Variants in URB1 observed in about 807,000 individuals in gnomAD.
The protein encoded by URB1 is nucleolar pre-ribosomal-associated protein 1.
URB1 carries 197 observed loss-of-function variants against 242.3 expected under a neutral mutation model. The ratio of observed to expected loss-of-function variants is 0.81; its 90% confidence interval spans 0.72 to 0.91. The LOEUF (loss-of-function observed/expected upper bound fraction) is 0.91. URB1 is among the 40% of genes least tolerant of loss of function. The probability of loss-of-function intolerance (pLI) is 0.00; values close to 1 mark genes in which losing one functional copy is unlikely to be tolerated. For missense variants in URB1, 2,721 were observed against 2,860.5 expected (o/e 0.95, Z 1.11); for synonymous variants, 1,153 against 1,201.8 (o/e 0.96, Z 0.84).
chr21:32,323,837 C>T (rs905846956), intron 32 of URB1, among the ~76,000 whole-genome samples: 13 of 152,044 alleles, frequency 8.6e-5, no homozygotes, highest in Non-Finnish European at 1.5e-5. Flanking sequence ...TGGTGGCATT[C>T]GCTGTAGTCC....
At chr21:32,340,834 G>C (rs902577064) in intron 25 of URB1, among the ~76,000 whole-genome samples, 1 of 152,136 alleles carries the variant, frequency 6.6e-6, no homozygotes, top group Non-Finnish European at 1.5e-5. Flanking sequence ...GGAGAATAGG[G>C]AGAACAGCCT....
At chr21:32,357,680 A>G in intron 14 of URB1, 24 bp from the exon 15 acceptor site, 2 of 1,396,722 alleles carry the variant, frequency 1.4e-6, no homozygotes, top group Non-Finnish European at 1.9e-6. Context: ...AATATTACGT[A>G]TTTTTAGTAT....
In URB1 at chr21:32,347,855, G is replaced by T. The variant is rs1300139497; in HGVS notation, c.3013-44C>A. On this transcript the variant is annotated intron_variant, in intron 21 of 38. Transcript: ENST00000382751. ...GCACAGACGTCACATAGAGCACAGG[G>T]CTAAGACAGGGGCGGCAGCTGCCAC... The T allele has an allele frequency of 2.0e-6, 3 of 1,487,566 alleles. No individual in the cohort carries two copies. The Admixed American group carries it at 6.8e-5, about 34-fold the overall frequency. The allele number at this position is 1,487,566 out of a possible 1,614,324, so 92.1% of individuals were successfully genotyped here.
intron 9 of URB1, 139 bp from the exon 10 acceptor site, chr21:32,366,894 TG>T: frequency 1.1e-6 from 1 of 941,750 alleles, no homozygotes; most frequent in East Asian, 2.7e-5. Flanking sequence ...CAAGGCAGAG[TG>T]GAAGATTAAC....
At position 32,314,528 on chromosome 21, in the gene URB1, T is replaced by C. The variant is rs981721865; in HGVS notation, c.*390A>G. ...TCTCTCTTCGTTTTCATAAAAAAAA[T>C]CTGATACCTTTTGACATTTCAGCTT... On this transcript the variant is annotated 3_prime_UTR_variant, in exon 39 of 39. Coordinates refer to ENST00000382751, the MANE Select transcript of URB1 (RefSeq NM_014825.3). 1.2e-6 allele frequency: 2 copies of C among 1,601,014 alleles called. No homozygotes were observed. Among genetic ancestry groups the C allele is most frequent in the African/African-American group, 2.7e-5 (2 of 74,708 alleles).
At chr21:32,325,060 C>A (rs1487250438) in intron 31 of URB1, among the ~76,000 whole-genome samples, 169 bp downstream of exon 31, 1 of 152,174 alleles carries the variant, frequency 6.6e-6, no homozygotes, top group Non-Finnish European at 1.5e-5. Context: ...AGGCGACCTC[C>A]GGGATCACCT....
intron 3 of URB1, 141 bp downstream of exon 3, chr21:32,384,172 C>T (rs938340617): frequency 9.5e-7 from 1 of 1,057,438 alleles, no homozygotes; most frequent in Admixed American, 2.9e-5. Context: ...AGGAAGGGGG[C>T]AGAGACTCGG....
chr21:32,338,921 G>A (rs2032996417), intron 25 of URB1, 21 bp from the exon 26 acceptor site: 3 of 1,504,018 alleles, frequency 2.0e-6, no homozygotes, highest in East Asian at 2.5e-5. Context: ...AGAGTCAAAG[G>A]GAAAAGAGCT....
chr21:32,387,400 A>G (rs2033594899), intron 1 of URB1, among the ~76,000 whole-genome samples: 1 of 152,202 alleles, frequency 6.6e-6, no homozygotes, highest in Non-Finnish European at 1.5e-5. Context: ...GCCTGGCAAC[A>G]GAGTGAGACT....
Position 32,312,194 on chromosome 21 carries a change from T to C in URB1, c.*2724A>G. The stretch of plus-strand genomic sequence containing the variant: ...CGAGTGCAGAGGTCATCCCAGGTGT[T>C]GCTGAGTTTATTGAGCACACCTAGC... On this transcript the variant is annotated 3_prime_UTR_variant, in exon 39 of 39. Transcript: ENST00000382751. 6.7e-7 allele frequency: 1 copy of C among 1,492,394 alleles called. No homozygotes were observed. Among genetic ancestry groups the C allele is most frequent in the Non-Finnish European group, 8.9e-7 (1 of 1,123,644 alleles). 92.4% of individuals were successfully genotyped at this position (1,492,394 alleles called of 1,614,324 possible). A position where few individuals can be genotyped will look rare whatever the true frequency, so the allele number is the denominator to read the frequency against.
intron 28 of URB1, 142 bp downstream of exon 28, chr21:32,336,952 G>T: frequency 2.5e-6 from 2 of 815,740 alleles, no homozygotes; most frequent in Non-Finnish European, 2.0e-6. Context: ...GCAGAAGCCA[G>T]TGTGAGTCAG....
chr21:32,371,082 C>T, intron 8 of URB1, among the ~76,000 whole-genome samples: 1 of 152,210 alleles, frequency 6.6e-6, no homozygotes, highest in Non-Finnish European at 1.5e-5. Context: ...GGGACTATTT[C>T]AGAAAGGGCT....
chr21:32,352,845 G>A lies in URB1; in HGVS notation c.2478C>T (p.Asp826=). The A allele has an allele frequency of 6.4e-7, 1 of 1,551,692 alleles. No homozygotes were observed. The highest frequency in any genetic ancestry group is 8.7e-7 in the Non-Finnish European group (1 of 1,146,986). ...GGAGCAGGAGACACAGAGCCAGGGG[G>A]TCCCTCTGGGTGTGGAGGAGGTCAG... ...VLTDLLHTQR[D]PLALCLLLQA... The change falls in exon 19 of 39, where the codon GAC becomes GAT. Residue 826 remains aspartate, a synonymous_variant. Transcript: ENST00000382751.
At chr21:32,362,100 T>C (rs2033295908) in intron 11 of URB1, 79 bp from the exon 12 acceptor site, 10 of 1,494,606 alleles carry the variant, frequency 6.7e-6, no homozygotes, top group Non-Finnish European at 8.9e-6. Context: ...ATTAACAAGA[T>C]GCAAAAAACA....
chr21:32,345,588 T>C lies in URB1; in HGVS notation c.3869-13A>G, dbSNP rs952689343. The C allele has an allele frequency of 6.6e-6, 10 of 1,524,842 alleles. No individual in the cohort carries two copies. The highest frequency in any genetic ancestry group is 8.9e-6 in the Non-Finnish European group (10 of 1,127,338). The allele number at this position is 1,524,842 out of a possible 1,614,324, so 94.5% of individuals were successfully genotyped here. On this transcript the variant is annotated splice_polypyrimidine_tract_variant and intron_variant, in intron 22 of 38. Coordinates refer to ENST00000382751, the MANE Select transcript of URB1 (RefSeq NM_014825.3). ...ACAGCGGAAGACACTAGGGCAGAGATACAAAGGAGAAGTCATCACACCCAA... is the reference window on the plus strand; with the variant it reads ...ACAGCGGAAGACACTAGGGCAGAGACACAAAGGAGAAGTCATCACACCCAA...
At chr21:32,348,493 G>A (rs977664056) in intron 21 of URB1, among the ~76,000 whole-genome samples, 2 of 152,306 alleles carry the variant, frequency 1.3e-5, no homozygotes, top group African/African-American at 4.8e-5. Flanking sequence ...GAATGCAGTT[G>A]AGCTCCCTTG....
Position 32,314,902 on chromosome 21 carries a change from T to C in URB1, c.*16A>G. ...AGGCTCTGGTCATCAGGGTGCAAGG[T>C]GCTGGCCGGCAGGAGTCAAGCATCT... On this transcript the variant is annotated 3_prime_UTR_variant, in exon 39 of 39. Coordinates refer to ENST00000382751, the MANE Select transcript of URB1 (RefSeq NM_014825.3). The C allele has an allele frequency of 6.5e-7, 1 of 1,546,578 alleles. No individual in the cohort carries two copies. Among genetic ancestry groups the C allele is most frequent in the Non-Finnish European group, 8.7e-7 (1 of 1,144,206 alleles).
chr21:32,324,658 C>A, intron 31 of URB1, 56 bp from the exon 32 acceptor site: 2 of 1,366,174 alleles, frequency 1.5e-6, no homozygotes, highest in South Asian at 2.5e-5. Context: ...GAGCTATGGT[C>A]AGTCCTCTCT....
chr21:32,355,566 C>T lies in URB1; in HGVS notation c.1990-1G>A. ...CAAACACCCCCGTGTCCCGCAGAAT[C>T]TGCCAGGAAGTAGGCACCGGTGAAA... On this transcript the variant is annotated splice_acceptor_variant, in intron 15 of 38. Coordinates refer to ENST00000382751, the MANE Select transcript of URB1 (RefSeq NM_014825.3). LOFTEE classifies it high-confidence loss of function. The T allele has an allele frequency of 6.4e-7, 1 of 1,551,484 alleles. No individual in the cohort carries two copies. The highest frequency in any genetic ancestry group is 8.7e-7 in the Non-Finnish European group (1 of 1,146,764).
Sources: gnomAD v4.1 joint callset for allele counts (sites outside exome capture counted in the v4.1 genomes callset) on GRCh38, gnomAD v4.1.1 for gene constraint, MANE v1.5 for transcripts, NCBI Gene and HGNC (gene_info 2026-07-23, HGNC 2026-07-21) for gene names.